The following CERKL variants were observed in gnomAD, a reference collection of about 807,000 sequenced individuals.
CERKL encodes the protein ceramide kinase-like protein.
A neutral mutation model predicts 63.4 loss-of-function variants in CERKL; 61 were observed. The observed-to-expected ratio is 0.96, with a 90% CI of 0.78 to 1.19. The LOEUF (loss-of-function observed/expected upper bound fraction) is 1.19, where lower values mean the gene tolerates loss of function less well. Ranked by LOEUF, CERKL falls within the 50% of genes most tolerant of loss-of-function variation. The pLI is 0.00. For missense variants in CERKL, 675 were observed against 655.5 expected, an observed-to-expected ratio of 1.03 and a Z score of -0.33; for synonymous variants, 250 against 230.5, an observed-to-expected ratio of 1.08 and a Z score of -0.77.
At chr2:181,621,851 T>C (rs1407792296) in intron 1 of CERKL, among the ~76,000 whole-genome samples, 1 of 152,162 alleles carries the variant, frequency 6.6e-6, no homozygotes, top group Non-Finnish European at 1.5e-5. Context: ...GAAAGATAAA[T>C]TTGATATCAA....
chr2:181,542,370 G>A lies in CERKL; in HGVS notation c.1365+2330C>T, dbSNP rs889587584. Among the ~76,000 whole-genome samples, 4 of 152,262 alleles carry A rather than the reference G, an allele frequency of 2.6e-5. No homozygotes were observed. The South Asian group carries it at 8.3e-4, about 32-fold the overall frequency. On this transcript the variant is annotated intron_variant, in intron 11 of 12. Coordinates refer to ENST00000410087, the MANE Select transcript of CERKL (RefSeq NM_201548.5). The stretch of plus-strand genomic sequence containing the variant: ...AAGCAGATGTTACTCTCCTTAAACT[G>A]AATTGCCACATTTTCCTTCCTGAAT...
intron 8 of CERKL, 160 bp from the exon 9 acceptor site, chr2:181,548,007 G>A: frequency 1.5e-6 from 1 of 679,094 alleles, no homozygotes; most frequent in Non-Finnish European, 2.5e-6. Flanking sequence ...GTACAATTTT[G>A]TTGCTGCCAA....
chr2:181,611,495 C>T (rs1481589249), intron 1 of CERKL, among the ~76,000 whole-genome samples: 1 of 151,492 alleles, frequency 6.6e-6, no homozygotes, highest in Admixed American at 6.6e-5. Context: ...CTCATCTCTA[C>T]AAAAAAATAA....
In CERKL at chr2:181,548,606, TA is replaced by T; in HGVS notation, c.1074-3del. On this transcript the variant is annotated splice_region_variant and splice_polypyrimidine_tract_variant and intron_variant, in intron 7 of 12. Transcript: ENST00000410087. The stretch of plus-strand genomic sequence containing the variant: ...AATGATATTTCACAGTCTTCTGCCC[TA>T]AAATGTAATGAAATTTGTTATTAAC... The T allele has an allele frequency of 6.2e-7, 1 of 1,613,222 alleles. No homozygotes were observed.
chr2:181,559,051 C>A (rs1481497446), intron 4 of CERKL, among the ~76,000 whole-genome samples: 3 of 152,186 alleles, frequency 2.0e-5, no homozygotes, highest in African/African-American at 7.2e-5. Flanking sequence ...GTTAATAATA[C>A]TGTCATCTGC....
At chr2:181,599,398 G>A (rs1027853322) in intron 2 of CERKL, among the ~76,000 whole-genome samples, 1 of 151,714 alleles carries the variant, frequency 6.6e-6, no homozygotes, top group African/African-American at 2.4e-5. Context: ...TTAGTCGGGG[G>A]TGGTGGCACT....
chr2:181,595,712 T>G (rs1248788297), intron 2 of CERKL, among the ~76,000 whole-genome samples: 3 of 152,222 alleles, frequency 2.0e-5, no homozygotes, highest in African/African-American at 4.8e-5. Context: ...TTTTTTCATT[T>G]ATAAACTAAG....
chr2:181,542,037 T>C (rs566717045), intron 11 of CERKL, among the ~76,000 whole-genome samples: 1 of 152,190 alleles, frequency 6.6e-6, no homozygotes, highest in South Asian at 2.1e-4. Context: ...AATGAGGCCA[T>C]CCAGGAGACG....
At position 181,615,689 on chromosome 2, in the gene CERKL, C is replaced by A. The variant is rs72885352; in HGVS notation, c.239-11610G>T. On this transcript the variant is annotated intron_variant, in intron 1 of 12. Transcript: ENST00000410087. ...AAATACAAAATTCTGTTTGAATACA[C>A]CACATACTGAGATAAATCTGTGAAG... Among the ~76,000 whole-genome samples the A allele has an allele frequency of 4.3e-3, 652 of 152,264 alleles. 2 individuals are homozygous for A. The highest frequency in any genetic ancestry group is 7.3e-3 in the Non-Finnish European group (494 of 68,020).
chr2:181,603,182 C>CA (rs34538267), intron 2 of CERKL: 2 of 210,054 alleles, frequency 9.5e-6, no homozygotes, highest in South Asian at 6.5e-5. Context: ...TAAGATTATT[C>CA]AAAAAAATCT....
intron 1 of CERKL, among the ~76,000 whole-genome samples, chr2:181,613,074 T>C (rs1288004235): frequency 1.3e-5 from 2 of 152,072 alleles, no homozygotes; most frequent in Non-Finnish European, 2.9e-5. Flanking sequence ...TATACATTAT[T>C]AGCCATAGTC....
intron 1 of CERKL, chr2:181,617,568 T>C (rs1327086396): frequency 6.6e-6 from 1 of 152,206 alleles, no homozygotes; most frequent in African/African-American, 2.4e-5. Flanking sequence ...TCTCAAAGAA[T>C]TTTCTGATGA....
intron 2 of CERKL, among the ~76,000 whole-genome samples, chr2:181,595,304 T>C (rs1036713025): frequency 1.3e-5 from 2 of 152,172 alleles, no homozygotes; most frequent in Admixed American, 6.5e-5. Context: ...ATCTCAATAA[T>C]AGCAACAGTC....
Position 181,547,627 on chromosome 2 carries a change from G to C in CERKL, c.1259C>G (p.Pro420Arg). 1 of 1,613,528 alleles carries C rather than the reference G, an allele frequency of 6.2e-7. No homozygotes were observed. ...LCSVAPRGLA[P>R]NTRLNNGSMA... is the part of the protein sequence containing the mutation. The stretch of plus-strand genomic sequence containing the variant: ...AAAAATGCTTACTAACCTGGTATTA[G>C]GTGCCAAGCCTCTAGGTGCCACTGA... Residue 420 changes from proline (P) to arginine (R), a missense_variant, in exon 10 of 13, where the codon CCT (proline) becomes CGT (arginine). Physicochemically the swap from Pro to Arg is moderately radical, Grantham distance 103. Coordinates refer to ENST00000410087, the MANE Select transcript of CERKL (RefSeq NM_201548.5).
chr2:181,637,027 G>C lies in CERKL; in HGVS notation c.238+19742C>G, dbSNP rs562737477. ...CATAATTGGTGCTCCCTAAATGTTA[G>C]GAGGACTACAGTAAAAACATGAATG... On this transcript the variant is annotated intron_variant, in intron 1 of 12. Transcript: ENST00000410087. Among the ~76,000 whole-genome samples, 28 of 152,212 alleles carry C rather than the reference G, an allele frequency of 1.8e-4. No homozygotes were observed. The East Asian group carries it at 2.5e-3, about 14-fold the overall frequency.
intron 2 of CERKL, among the ~76,000 whole-genome samples, chr2:181,574,131 G>A (rs1689024618): frequency 6.6e-6 from 1 of 152,012 alleles, no homozygotes; most frequent in South Asian, 2.1e-4. Flanking sequence ...ATTTATGAAG[G>A]AAGATGCAAA....
intron 1 of CERKL, among the ~76,000 whole-genome samples, chr2:181,608,930 A>AT (rs2105901594): frequency 6.6e-6 from 1 of 152,302 alleles, no homozygotes; most frequent in African/African-American, 2.4e-5. Context: ...TATAATGGAG[A>AT]TAAAAAAAAT....
In CERKL at chr2:181,558,648, T is replaced by A. The variant is rs752573519; in HGVS notation, c.738A>T (p.Arg246Ser). 5.6e-6 allele frequency: 9 copies of A among 1,612,944 alleles called. No homozygotes were observed. The highest frequency in any genetic ancestry group is 3.3e-5 in the Admixed American group (2 of 59,934). The change falls in exon 5 of 13, where the codon AGA becomes AGT. Residue 246 changes from arginine (R) to serine (S), a missense_variant. Transcript: ENST00000410087. This position sits in a 1 kb window ranked among gnomAD's most constrained non-coding sequence, Gnocchi z 4.2. ...ASEVAHALLL[R>S]AQKNAGMETD... is the part of the protein sequence containing the mutation. ...TTTCCATCCCAGCATTCTTCTGAGC[T>A]CTCAGAAGCAAAGCATGGGCTACTT... is the stretch of plus-strand genomic sequence containing the variant.
intron 8 of CERKL, 99 bp downstream of exon 8, chr2:181,548,446 G>C (rs924619152): frequency 2.1e-6 from 2 of 954,248 alleles, no homozygotes; most frequent in African/African-American, 3.3e-5. Context: ...TACTATGTTA[G>C]AAAAATAACC....
Sources: allele counts gnomAD v4.1 joint callset (sites outside exome capture counted in the v4.1 genomes callset), GRCh38; gene constraint gnomAD v4.1.1; non-coding constraint Gnocchi (gnomAD v3.1); transcripts MANE v1.5; gene names NCBI Gene and HGNC (gene_info 2026-07-23, HGNC 2026-07-21).